The following XKR4 variants were observed in gnomAD, a reference collection of about 807,000 sequenced individuals.
The protein encoded by XKR4 is XK-related protein 4.
A neutral mutation model predicts 53.9 loss-of-function variants in XKR4; 12 were observed. The observed-to-expected ratio is 0.22, with a 90% CI of 0.14 to 0.36. XKR4 has a LOEUF of 0.36. Ranked by LOEUF, XKR4 falls within the 10% of genes least tolerant of loss-of-function variation. The pLI is 1.00. For synonymous variants in XKR4, 354 were observed against 362.4 expected (o/e 0.98, Z 0.26); for missense variants, 799 against 859.5 (o/e 0.93, Z 0.88).
chr8:55,295,800 TGAC>T (rs1819093884), intron 1 of XKR4, among the ~76,000 whole-genome samples: 1 of 149,076 alleles, frequency 6.7e-6, no homozygotes, highest in Non-Finnish European at 1.5e-5. Flanking sequence ...TGTCTACTCT[TGAC>T]GAGCTTATAA....
intron 2 of XKR4, among the ~76,000 whole-genome samples, chr8:55,392,244 G>A (rs1410180917): frequency 2.0e-5 from 3 of 152,146 alleles, no homozygotes; most frequent in Non-Finnish European, 4.4e-5. Flanking sequence ...ACTCACTACT[G>A]AGAGAGGGCT....
intron 2 of XKR4, chr8:55,517,789 G>A (rs1455899753): frequency 1.1e-5 from 1 of 90,324 alleles, no homozygotes; most frequent in African/African-American, 3.5e-5. Flanking sequence ...TTCTGACTCT[G>A]GAAATAAAGA....
At chr8:55,255,853 G>A (rs1218434070) in intron 1 of XKR4, among the ~76,000 whole-genome samples, 1 of 152,020 alleles carries the variant, frequency 6.6e-6, no homozygotes, top group African/African-American at 2.4e-5. Flanking sequence ...TGTCTGCCAG[G>A]CAGAGTTGTA....
intron 1 of XKR4, among the ~76,000 whole-genome samples, chr8:55,305,792 A>AG (rs1819288112): frequency 6.6e-6 from 1 of 152,164 alleles, no homozygotes; most frequent in Non-Finnish European, 1.5e-5. Context: ...CAATCACTGA[A>AG]GGAAAAATAT....
At chr8:55,126,113 TAAAAG>T (rs1475501477) in intron 1 of XKR4, among the ~76,000 whole-genome samples, 1 of 151,470 alleles carries the variant, frequency 6.6e-6, no homozygotes, top group Non-Finnish European at 1.5e-5. Flanking sequence ...AATTAATTAA[TAAAAG>T]AAAGAAGGAA....
intron 2 of XKR4, among the ~76,000 whole-genome samples, chr8:55,400,372 C>A (rs1489720340): frequency 1.3e-5 from 2 of 152,192 alleles, no homozygotes; most frequent in African/African-American, 2.4e-5. Flanking sequence ...GATCTACATA[C>A]CCATACCTCC....
intron 1 of XKR4, among the ~76,000 whole-genome samples, chr8:55,304,174 G>T (rs1819252635): frequency 6.6e-6 from 1 of 152,156 alleles, no homozygotes; most frequent in African/African-American, 2.4e-5. Context: ...CTTTGAATGT[G>T]TCCCAGAGAT....
At chr8:55,180,313 T>C (rs770794422) in intron 1 of XKR4, among the ~76,000 whole-genome samples, 9 of 152,220 alleles carry the variant, frequency 5.9e-5, no homozygotes, top group Non-Finnish European at 1.3e-4. Context: ...TGGATGGATA[T>C]GCAGCTGCTG....
intron 1 of XKR4, among the ~76,000 whole-genome samples, chr8:55,278,043 G>A (rs1481254248): frequency 6.6e-6 from 1 of 152,104 alleles, no homozygotes; most frequent in Non-Finnish European, 1.5e-5. Flanking sequence ...ATAAAACAAA[G>A]CATACATCCA....
At chr8:55,417,308 TTTTTC>T (rs1367442775) in intron 2 of XKR4, among the ~76,000 whole-genome samples, 1 of 152,076 alleles carries the variant, frequency 6.6e-6, no homozygotes, top group African/African-American at 2.4e-5. Flanking sequence ...AGGAGAGAAG[TTTTTC>T]TTTTCTTTTC....
chr8:55,247,519 A>G (rs996696746), intron 1 of XKR4, among the ~76,000 whole-genome samples: 2 of 152,188 alleles, frequency 1.3e-5, no homozygotes, highest in African/African-American at 2.4e-5. Context: ...GGATTAAATG[A>G]CTTATTTGAG....
intron 2 of XKR4, among the ~76,000 whole-genome samples, chr8:55,385,029 G>A (rs1804289175): frequency 6.6e-6 from 1 of 151,900 alleles, no homozygotes; most frequent in African/African-American, 2.4e-5. Flanking sequence ...TTTCAAAGTA[G>A]GTATAATTTT....
At chr8:55,472,455 G>C (rs1805904497) in intron 2 of XKR4, among the ~76,000 whole-genome samples, 1 of 152,082 alleles carries the variant, frequency 6.6e-6, no homozygotes, top group African/African-American at 2.4e-5. Flanking sequence ...TTATTAGTAT[G>C]TATAACTTGT....
rs548486484 is a variant in XKR4, at chr8:55,460,766, C to T, written c.1007-62515C>T. Among the ~76,000 whole-genome samples the T allele has an allele frequency of 5.3e-5, 8 of 152,296 alleles. 1 individual carries two copies. The highest frequency in any genetic ancestry group is 2.0e-4 in the Admixed American group (3 of 15,304). ...GGGTGACAGATGGCACCTGGAAAATCGGGTCACTCCCACCCTAATACTGTG... is the reference window on the plus strand; with the variant it reads ...GGGTGACAGATGGCACCTGGAAAATTGGGTCACTCCCACCCTAATACTGTG... On this transcript the variant is annotated intron_variant, in intron 2 of 2. Transcript: ENST00000327381.
intron 1 of XKR4, among the ~76,000 whole-genome samples, chr8:55,337,168 G>A (rs186686497): frequency 1.0e-3 from 152 of 152,126 alleles, no homozygotes; most frequent in Middle Eastern, 3.4e-3. Flanking sequence ...AGCCAATTTG[G>A]TCTCATCACT....
chr8:55,241,838 A>G (rs1033430552), intron 1 of XKR4, among the ~76,000 whole-genome samples: 1 of 152,200 alleles, frequency 6.6e-6, no homozygotes. Flanking sequence ...TCAGTGAATG[A>G]TATCTATTAG....
At position 55,103,867 on chromosome 8, in the gene XKR4, A is replaced by G. The variant is rs867923050; in HGVS notation, c.806+573A>G. Among the ~76,000 whole-genome samples the G allele has an allele frequency of 8.7e-3, 1,173 of 135,058 alleles. 32 individuals carry two copies. Among genetic ancestry groups the G allele is most frequent in the African/African-American group, 0.031 (1,045 of 33,510 alleles). 88.6% of individuals were successfully genotyped at this position (135,058 alleles called of 152,430 possible). A position where few individuals can be genotyped will look rare whatever the true frequency, so the allele number is the denominator to read the frequency against. On this transcript the variant is annotated intron_variant, in intron 1 of 2. Transcript: ENST00000327381. ...AATGACTTTGTATATATATATATAT[A>G]TATATATATATATATATATATATAT... is the stretch of plus-strand genomic sequence containing the variant.
intron 1 of XKR4, among the ~76,000 whole-genome samples, chr8:55,238,959 T>C (rs779305302): frequency 1.3e-5 from 2 of 152,206 alleles, no homozygotes; most frequent in Non-Finnish European, 2.9e-5. Context: ...TTAAAACCTA[T>C]GCATTTCCCC....
chr8:55,458,893 G>A (rs2975975), intron 2 of XKR4, among the ~76,000 whole-genome samples: 60,211 of 152,060 alleles, frequency 0.4, 12,839 homozygotes, highest in East Asian at 0.53. Context: ...CAACATTCAA[G>A]GGGGAAAACA....
Sources: gnomAD v4.1 joint callset for allele counts (sites outside exome capture counted in the v4.1 genomes callset) on GRCh38, gnomAD v4.1.1 for gene constraint, MANE v1.5 for transcripts, NCBI Gene and HGNC (gene_info 2026-07-23, HGNC 2026-07-21) for gene names.